The following TRIML1 variants were observed in gnomAD, a reference collection of about 807,000 sequenced individuals.
TRIML1 encodes the protein probable E3 ubiquitin-protein ligase TRIML1.
In TRIML1, 34 loss-of-function variants were observed where a neutral mutation model predicts 32.3. That is an observed-to-expected ratio of 1.05 (90% confidence interval 0.80 to 1.40). The LOEUF is 1.40. TRIML1 is among the 40% of genes most tolerant of loss of function. The pLI, the probability that TRIML1 is intolerant of heterozygous loss-of-function variation, is 0.00. For missense variants in TRIML1, 595 were observed against 574.9 expected (o/e 1.03, Z -0.36); for synonymous variants, 244 against 226.6 (o/e 1.08, Z -0.69).
intron 2 of TRIML1, 22 bp from the exon 3 acceptor site, chr4:188,142,215 TGTGTGTGTGTGTGTG>T (rs752922011): frequency 2.7e-4 from 94 of 347,708 alleles, no homozygotes; most frequent in African/African-American, 1.6e-3. Flanking sequence ...CTCGTGTGTG[TGTGTGTGTGTGTGTG>T]TGTGTGTGTG....
intron 1 of TRIML1, among the ~76,000 whole-genome samples, 187 bp downstream of exon 1, chr4:188,140,153 G>A (rs1734799228): frequency 1.4e-5 from 2 of 145,434 alleles, no homozygotes; most frequent in Admixed American, 7.0e-5. Flanking sequence ...ACAGAGTTTT[G>A]CTCTGTTGCC....
chr4:188,141,537 A>G (rs993905217), intron 2 of TRIML1, among the ~76,000 whole-genome samples: 2 of 152,076 alleles, frequency 1.3e-5, no homozygotes, highest in African/African-American at 4.8e-5. Context: ...TCTGACACCT[A>G]CTTTCATTGA....
intron 5 of TRIML1, among the ~76,000 whole-genome samples, chr4:188,145,019 C>G (rs1374933709): frequency 6.6e-6 from 1 of 152,118 alleles, no homozygotes; most frequent in Non-Finnish European, 1.5e-5. Context: ...CGCTTACTTA[C>G]AATGATAAGT....
intron 3 of TRIML1, chr4:188,142,831 C>T (rs1457992067): frequency 5.5e-6 from 1 of 183,244 alleles, no homozygotes; most frequent in Non-Finnish European, 1.1e-5. Flanking sequence ...TCACAAAGAC[C>T]TGATGAAGAT....
In TRIML1 at chr4:188,139,855, C is replaced by T. The variant is rs199727142; in HGVS notation, c.297C>T (p.Pro99=). 243 of 1,613,828 alleles carry T rather than the reference C, an allele frequency of 1.5e-4. 1 individual carries two copies. Among genetic ancestry groups the T allele is most frequent in the Non-Finnish European group, 5.9e-6 (7 of 1,180,030 alleles). Residue 99 remains proline (P), a synonymous_variant, in exon 1 of 6, where the codon CCC becomes CCT. Transcript: ENST00000332517. ...EDEQGSYGRM[P]TTAKALSDDE... ...AGCAGGGCAGCTACGGGAGGATGCC[C>T]ACCACTGCCAAGGCGCTCTCCGATG...
At chr4:188,140,798 G>C (rs1452122841) in intron 2 of TRIML1, 175 bp downstream of exon 2, 1 of 566,082 alleles carries the variant, frequency 1.8e-6, no homozygotes. Flanking sequence ...GGAGTCTCAA[G>C]GCTCAGCTGC....
chr4:188,142,153 C>G, intron 2 of TRIML1, 99 bp from the exon 3 acceptor site: 2 of 791,934 alleles, frequency 2.5e-6, no homozygotes, highest in East Asian at 5.3e-5. Context: ...AACTCTAGGA[C>G]TTGTAAGGAT....
downstream of TRIML1, among the ~76,000 whole-genome samples, chr4:188,148,813 G>C (rs1304226243): frequency 4.0e-5 from 6 of 151,468 alleles, no homozygotes; most frequent in Non-Finnish European, 5.9e-5. Context: ...TTTTGGCCAG[G>C]CTGGTCTTGA....
chr4:188,150,489 T>G (rs1207278493), downstream of TRIML1, among the ~76,000 whole-genome samples: 3 of 152,268 alleles, frequency 2.0e-5, no homozygotes, highest in Non-Finnish European at 4.4e-5. Context: ...AGAAACAAAA[T>G]GATAAAAAGC....
intron 3 of TRIML1, 28 bp from the exon 4 acceptor site, chr4:188,143,810 T>G: frequency 6.2e-7 from 1 of 1,614,044 alleles, no homozygotes; most frequent in Non-Finnish European, 8.5e-7. Context: ...AAGCGCACCA[T>G]GCTAACTTCT....
At chr4:188,149,065 C>G (rs1021986857), downstream of TRIML1, among the ~76,000 whole-genome samples, 4 of 151,814 alleles carry the variant, frequency 2.6e-5, no homozygotes, top group Middle Eastern at 3.4e-3. Context: ...AGGCGCCCAC[C>G]ACCACGCCCG....
intron 3 of TRIML1, among the ~76,000 whole-genome samples, 187 bp downstream of exon 3, chr4:188,142,669 A>G (rs1398341607): frequency 6.6e-6 from 1 of 151,730 alleles, no homozygotes; most frequent in Non-Finnish European, 1.5e-5. Context: ...AGAAAAAAAA[A>G]AACACATCCA....
downstream of TRIML1, among the ~76,000 whole-genome samples, chr4:188,150,127 T>G (rs563417134): frequency 6.8e-6 from 1 of 147,318 alleles, no homozygotes; most frequent in South Asian, 2.2e-4. Flanking sequence ...TTTTAAAAAT[T>G]ATTATTATTA....
Position 188,143,058 on chromosome 4 carries a change from CT to C in TRIML1, c.735+591del, listed in dbSNP as rs34776156. ...TCTAGGCTGCTGCATTCTTCAGGACCTTTTTTTTTTTTTTTGAGACAGAGTC... is the reference window on the plus strand; with the variant it reads ...TCTAGGCTGCTGCATTCTTCAGGACCTTTTTTTTTTTTTTGAGACAGAGTC... On this transcript the variant is annotated intron_variant, in intron 3 of 5. Coordinates refer to ENST00000332517, the MANE Select transcript of TRIML1 (RefSeq NM_178556.5). The C allele has an allele frequency of 2.4e-3, 331 of 140,440 alleles. 1 individual carries two copies. The highest frequency in any genetic ancestry group is 6.9e-3 in the African/African-American group (261 of 38,008). 8.7% of individuals were successfully genotyped at this position (140,440 alleles called of 1,614,324 possible). A position where few individuals can be genotyped will look rare whatever the true frequency, so the allele number is the denominator to read the frequency against.
At chr4:188,146,449 G>A (rs568270453) in intron 5 of TRIML1, among the ~76,000 whole-genome samples, 54 of 152,234 alleles carry the variant, frequency 3.5e-4, no homozygotes, top group South Asian at 8.3e-4. Flanking sequence ...TTGCTCTGTC[G>A]CCCAGGCTGG....
At chr4:188,142,538 C>A (rs1023566869) in intron 3 of TRIML1, 56 bp downstream of exon 3, 7 of 1,310,532 alleles carry the variant, frequency 5.3e-6, no homozygotes, top group African/African-American at 1.5e-5. Flanking sequence ...CATAGTACTT[C>A]AAGCCATAGG....
intron 5 of TRIML1, among the ~76,000 whole-genome samples, chr4:188,145,159 C>T (rs779009250): frequency 2.4e-4 from 37 of 151,864 alleles, no homozygotes; most frequent in Admixed American, 1.9e-3. Context: ...TGATTGGGGC[C>T]GGGTGCGGTG....
Position 188,139,962 on chromosome 4 carries a change from A to G in TRIML1, c.404A>G (p.His135Arg), listed in dbSNP as rs1280628767. Residue 135 changes from histidine to arginine, a missense_variant, in exon 1 of 6, where the codon CAC becomes CGC. His to Arg is a conservative substitution (Grantham distance 29). Coordinates refer to ENST00000332517, the MANE Select transcript of TRIML1 (RefSeq NM_178556.5). ...VHLSSEAEEHHREKLQEILNL... is the reference protein window; with the variant it reads ...VHLSSEAEEHRREKLQEILNL... ...CTCTCCAGCGAGGCTGAGGAGCATCACAGAGTAAGACAGCTGCTCAGCATG... is the reference window on the plus strand; with the variant it reads ...CTCTCCAGCGAGGCTGAGGAGCATCGCAGAGTAAGACAGCTGCTCAGCATG... 5.6e-6 allele frequency: 9 copies of G among 1,598,294 alleles called. No individual in the cohort carries two copies.
intron 5 of TRIML1, among the ~76,000 whole-genome samples, chr4:188,146,598 C>T (rs141067036): frequency 2.0e-4 from 31 of 152,126 alleles, no homozygotes; most frequent in African/African-American, 5.8e-4. Context: ...TTAGTAGAGA[C>T]GGGGTTTCAC....
Sources: allele counts gnomAD v4.1 joint callset (sites outside exome capture counted in the v4.1 genomes callset), GRCh38; gene constraint gnomAD v4.1.1; transcripts MANE v1.5; gene names NCBI Gene and HGNC (gene_info 2026-07-23, HGNC 2026-07-21).